Variants in PRKCQ observed in about 807,000 individuals in gnomAD.
PRKCQ encodes protein kinase C theta type.
A neutral mutation model predicts 91.2 loss-of-function variants in PRKCQ; 41 were observed. The observed-to-expected ratio is 0.45, with a 90% CI of 0.35 to 0.58. The LOEUF (loss-of-function observed/expected upper bound fraction) is 0.58, where lower values mean the gene tolerates loss of function less well. PRKCQ is among the 20% of genes least tolerant of loss of function. The pLI is 0.00. For synonymous variants in PRKCQ, 307 were observed against 316.9 expected (o/e 0.97, Z 0.33); for missense variants, 673 against 896.5 (o/e 0.75, Z 3.18).
intron 8 of PRKCQ, among the ~76,000 whole-genome samples, chr10:6,490,246 G>A (rs948817261): frequency 2.0e-5 from 3 of 151,998 alleles, no homozygotes; most frequent in Non-Finnish European, 2.9e-5. Context: ...GGTCGCTCTG[G>A]GTTCCACCAG....
At chr10:6,489,988 G>T (rs925207929) in intron 8 of PRKCQ, among the ~76,000 whole-genome samples, 2 of 152,016 alleles carry the variant, frequency 1.3e-5, no homozygotes, top group African/African-American at 4.8e-5. Context: ...GAACCAAGAG[G>T]CGAGAATTTC....
At chr10:6,513,217 T>C (rs1838574109) in intron 2 of PRKCQ, among the ~76,000 whole-genome samples, 1 of 152,214 alleles carries the variant, frequency 6.6e-6, no homozygotes, top group African/African-American at 2.4e-5. Flanking sequence ...AATGCAGCCT[T>C]ACACCCCAAG....
intron 1 of PRKCQ, among the ~76,000 whole-genome samples, chr10:6,565,676 A>C (rs1241664236): frequency 6.6e-6 from 1 of 152,192 alleles, no homozygotes; most frequent in East Asian, 1.9e-4. Flanking sequence ...AATATTAACA[A>C]ATCTCCTTGT....
In PRKCQ at chr10:6,436,511, C is replaced by G. The variant is rs141156380; in HGVS notation, c.1836+5382G>C. On this transcript the variant is annotated intron_variant, in intron 16 of 17. Coordinates refer to ENST00000263125, the MANE Select transcript of PRKCQ (RefSeq NM_006257.5). ...GGCAACCTCCACGCCAAGCAAGATA[C>G]AAACTGTTCCATAACTGCAAAGATC... 8.9e-4 allele frequency among the ~76,000 whole-genome samples: 136 copies of G among 152,286 alleles called. 3 individuals carry two copies. The highest frequency in any genetic ancestry group is 4.8e-3 in the South Asian group (23 of 4,824).
intron 1 of PRKCQ, among the ~76,000 whole-genome samples, chr10:6,569,058 G>A (rs1381778011): frequency 6.6e-6 from 1 of 152,160 alleles, no homozygotes; most frequent in African/African-American, 2.4e-5. Context: ...TCACTAGATT[G>A]GGATTCTTTT....
the PRKCQ span, among the ~76,000 whole-genome samples, chr10:6,411,205 G>A: frequency 1.0e-3 from 159 of 152,238 alleles, no homozygotes; most frequent in Admixed American, 6.9e-3. Flanking sequence ...TGTTCTTTAA[G>A]CTCTTTATCA....
chr10:6,483,513 G>A lies in PRKCQ; in HGVS notation c.1106C>T (p.Pro369Leu), dbSNP rs748058127. 1 of 1,614,140 alleles carries A rather than the reference G, an allele frequency of 6.2e-7. No homozygotes were observed. Among genetic ancestry groups the A allele is most frequent in the Non-Finnish European group, 8.5e-7 (1 of 1,180,004 alleles). The change falls in exon 11 of 18, where the codon CCA becomes CTA. Residue 369 changes from proline (P) to leucine (L), a missense_variant. By Grantham distance (98) the Pro-to-Leu change is moderately conservative. Transcript: ENST00000263125. ...AATTTTTAGTTTAATCTGCAGAGAT[G>A]GTCTTTCTTTGTTCAGTTCAGGTTC... is the stretch of plus-strand genomic sequence containing the variant. ...LPEPELNKER[P>L]SLQIKLKIED...
intron 1 of PRKCQ, among the ~76,000 whole-genome samples, chr10:6,546,743 C>G (rs904044467): frequency 6.6e-6 from 1 of 152,092 alleles, no homozygotes; most frequent in African/African-American, 2.4e-5. Flanking sequence ...TGCCTAATTG[C>G]CCTGGCCAGA....
At chr10:6,425,343 G>A (rs567561536), downstream of PRKCQ, among the ~76,000 whole-genome samples, 20 of 151,726 alleles carry the variant, frequency 1.3e-4, no homozygotes, top group East Asian at 3.9e-3. Context: ...TCCTGCCTCA[G>A]CCTCCTGAGT....
chr10:6,532,050 T>G (rs181467071), intron 1 of PRKCQ, among the ~76,000 whole-genome samples: 1 of 152,348 alleles, frequency 6.6e-6, no homozygotes, highest in African/African-American at 2.4e-5. Flanking sequence ...CTGATTTGAA[T>G]AGGTGATTGG....
intron 1 of PRKCQ, among the ~76,000 whole-genome samples, chr10:6,547,741 T>C (rs1377322683): frequency 6.6e-6 from 1 of 151,972 alleles, no homozygotes; most frequent in Non-Finnish European, 1.5e-5. Context: ...TCAAGATGGA[T>C]TAAAGACTTC....
In PRKCQ at chr10:6,497,636, C is replaced by G. The variant is rs1171577701; in HGVS notation, c.543-385G>C. On this transcript the variant is annotated intron_variant, in intron 5 of 17. Transcript: ENST00000263125. This position sits in a 1 kb window ranked among gnomAD's most constrained non-coding sequence, Gnocchi z 4.5. ...AGACATCTGTAACATTTTATTTCCT[C>G]TTTCTGAGCATCTGAGAATATTTGC... Among the ~76,000 whole-genome samples the G allele has an allele frequency of 6.6e-6, 1 of 152,200 alleles. No individual in the cohort carries two copies. Among genetic ancestry groups the G allele is most frequent in the Non-Finnish European group, 1.5e-5 (1 of 68,030 alleles).
chr10:6,404,558 C>G, the PRKCQ span, among the ~76,000 whole-genome samples: 1 of 96,352 alleles, frequency 1.0e-5, no homozygotes, highest in Admixed American at 1.3e-4. Context: ...TACTTCCATC[C>G]TTTCTTCCTT....
chr10:6,445,121 CAAAAAAAAAA>C (rs61291267), intron 15 of PRKCQ, among the ~76,000 whole-genome samples: 9,859 of 105,498 alleles, frequency 0.093, 831 homozygotes, highest in East Asian at 0.45. Context: ...AAGACTCTGT[CAAAAAAAAAA>C]AAAAAAAAAA....
chr10:6,410,723 C>T, the PRKCQ span, among the ~76,000 whole-genome samples: 2 of 152,174 alleles, frequency 1.3e-5, no homozygotes, highest in African/African-American at 4.8e-5. Flanking sequence ...TGGTTCACAC[C>T]TGTATTCCCA....
chr10:6,397,003 T>C, the PRKCQ span, among the ~76,000 whole-genome samples: 1 of 152,252 alleles, frequency 6.6e-6, no homozygotes, highest in Non-Finnish European at 1.5e-5. Context: ...CTCATTGTGG[T>C]TTTATTTGCA....
Position 6,473,268 on chromosome 10 carries a change from T to A in PRKCQ, c.1353+5724A>T, listed in dbSNP as rs537981365. ...ATGGAAACCCTAAAGTTCCCTCCTT[T>A]ACAACTCTGACTTCATTCTTTTGGG... On this transcript the variant is annotated intron_variant, in intron 12 of 17. Transcript: ENST00000263125. Among the ~76,000 whole-genome samples, 9 of 152,358 alleles carry A rather than the reference T, an allele frequency of 5.9e-5. 1 individual carries two copies. The East Asian group carries it at 1.7e-3, about 29-fold the overall frequency.
intron 8 of PRKCQ, 46 bp from the exon 9 acceptor site, chr10:6,486,190 T>G: frequency 6.7e-7 from 1 of 1,502,252 alleles, no homozygotes; most frequent in Admixed American, 1.7e-5. Flanking sequence ...AAGAACCCCC[T>G]GGTGCTAAAC....
chr10:6,528,799 C>T (rs1374399931), intron 1 of PRKCQ, among the ~76,000 whole-genome samples: 1 of 152,202 alleles, frequency 6.6e-6, no homozygotes, highest in African/African-American at 2.4e-5. Flanking sequence ...ATAGAGTTTT[C>T]GCTGTAGACT....
Sources: allele counts gnomAD v4.1 joint callset (sites outside exome capture counted in the v4.1 genomes callset), GRCh38; gene constraint gnomAD v4.1.1; non-coding constraint Gnocchi (gnomAD v3.1); transcripts MANE v1.5; gene names NCBI Gene and HGNC (gene_info 2026-07-23, HGNC 2026-07-21).